The following AADACL4 variants were observed in gnomAD, a reference collection of about 807,000 sequenced individuals.
AADACL4 encodes the protein arylacetamide deacetylase like 4.
A neutral mutation model predicts 14.1 loss-of-function variants in AADACL4; 9 were observed. The observed-to-expected ratio is 0.64, with a 90% CI of 0.39 to 1.12. AADACL4 has a LOEUF of 1.12. Ranked by LOEUF, AADACL4 falls within the 50% of genes most tolerant of loss-of-function variation. The pLI, the probability that AADACL4 is intolerant of heterozygous loss-of-function variation, is 0.01. For synonymous variants in AADACL4, 188 were observed against 201.6 expected (o/e 0.93, Z 0.57); for missense variants, 531 against 516.1 (o/e 1.03, Z -0.28).
chr1:12,666,062 C>T lies in AADACL4; in HGVS notation c.551C>T (p.Pro184Leu), dbSNP rs760924344. 7 of 1,614,114 alleles carry T rather than the reference C, an allele frequency of 4.3e-6. No homozygotes were observed. The East Asian group carries it at 1.1e-4, about 26-fold the overall frequency. ...LKALETYGVDPSRVVVCGESV... is the reference protein window; with the variant it reads ...LKALETYGVDLSRVVVCGESV... ...GCCCTGGAAACCTATGGGGTGGACCCCTCCAGGGTTGTGGTCTGTGGAGAA... is the reference window on the plus strand; with the variant it reads ...GCCCTGGAAACCTATGGGGTGGACCTCTCCAGGGTTGTGGTCTGTGGAGAA... Residue 184 changes from proline (P) to leucine (L), a missense_variant, in exon 4 of 4, where the codon CCC (proline) becomes CTC (leucine). Pro to Leu is a moderately conservative substitution (Grantham distance 98). Coordinates refer to ENST00000376221, the MANE Select transcript of AADACL4 (RefSeq NM_001013630.2).
At chr1:12,648,245 C>T (rs952750428) in intron 1 of AADACL4, among the ~76,000 whole-genome samples, 1 of 152,200 alleles carries the variant, frequency 6.6e-6, no homozygotes, top group Non-Finnish European at 1.5e-5. Flanking sequence ...GCTGGGATTG[C>T]AGGCATGAGC....
rs1288287344 is a variant in AADACL4, at chr1:12,666,153, G to C, written c.642G>C (p.Arg214=). The C allele has an allele frequency of 2.5e-6, 4 of 1,614,134 alleles. No homozygotes were observed. Among genetic ancestry groups the C allele is most frequent in the Non-Finnish European group, 3.4e-6 (4 of 1,180,056 alleles). The change falls in exon 4 of 4, where the codon CGG becomes CGC. Residue 214 remains arginine (R), a synonymous_variant. Coordinates refer to ENST00000376221, the MANE Select transcript of AADACL4 (RefSeq NM_001013630.2). ...QALVGRSDLP[R]IRAQVLIYPV... is the part of the protein sequence containing the mutation. ...TGGTGGGCAGATCAGATCTTCCCCG[G>C]ATCCGGGCTCAGGTTCTGATTTATC...
chr1:12,656,925 G>C (rs559199985), intron 2 of AADACL4, among the ~76,000 whole-genome samples: 2 of 152,008 alleles, frequency 1.3e-5, no homozygotes, highest in African/African-American at 2.4e-5. Flanking sequence ...TGGACTGCTC[G>C]AGCTCAGGAG....
In AADACL4 at chr1:12,666,134, G is replaced by A. The variant is rs1403054589; in HGVS notation, c.623G>A (p.Gly208Asp). 2.5e-6 allele frequency: 4 copies of A among 1,614,124 alleles called. No homozygotes were observed. Among genetic ancestry groups the A allele is most frequent in the Non-Finnish European group, 3.4e-6 (4 of 1,180,052 alleles). ...AVAAITQALVGRSDLPRIRAQ... is the reference protein window; with the variant it reads ...AVAAITQALVDRSDLPRIRAQ... ...GCCGCCATCACCCAGGCCTTGGTGG[G>A]CAGATCAGATCTTCCCCGGATCCGG... Residue 208 changes from glycine (G) to aspartate (D), a missense_variant, in exon 4 of 4, where the codon GGC becomes GAC. Transcript: ENST00000376221.
Position 12,666,576 on chromosome 1 carries a change from C to G in AADACL4, c.1065C>G (p.Leu355=), listed in dbSNP as rs1647338478. The change falls in exon 4 of 4, where the codon CTC becomes CTG. Residue 355 remains leucine (L), a synonymous_variant. Coordinates refer to ENST00000376221, the MANE Select transcript of AADACL4 (RefSeq NM_001013630.2). ...ACATACTCCGTGATGACAGCTTGCT[C>G]TATAAGAAGCGCTTGGAGGACCAGG... The part of the protein sequence containing the change: ...ENDILRDDSL[L]YKKRLEDQGV... 1.2e-6 allele frequency: 2 copies of G among 1,614,122 alleles called. No individual in the cohort carries two copies. Among genetic ancestry groups the G allele is most frequent in the Non-Finnish European group, 1.7e-6 (2 of 1,180,058 alleles).
At chr1:12,644,845 C>T (rs1457426821) in intron 1 of AADACL4, 131 bp downstream of exon 1, 1 of 1,006,522 alleles carries the variant, frequency 9.9e-7, no homozygotes, top group East Asian at 2.4e-5. Context: ...AGACTTGTCT[C>T]TTCTGTATCT....
Position 12,660,224 on chromosome 1 carries a change from A to T in AADACL4, c.386-1567A>T, listed in dbSNP as rs577500348. Among the ~76,000 whole-genome samples, 5 of 152,366 alleles carry T rather than the reference A, an allele frequency of 3.3e-5. No homozygotes were observed. The South Asian group carries it at 1.0e-3, about 32-fold the overall frequency. ...TGGCTTCCCAAAGTGCTGGGATTAC[A>T]GGTGTGAGCCACTGCACCCAGCCAA... On this transcript the variant is annotated intron_variant, in intron 2 of 3. Coordinates refer to ENST00000376221, the MANE Select transcript of AADACL4 (RefSeq NM_001013630.2).
chr1:12,661,954 G>C (rs1647235541), intron 3 of AADACL4, 100 bp downstream of exon 3: 2 of 1,321,664 alleles, frequency 1.5e-6, no homozygotes, highest in Non-Finnish European at 1.1e-6. Context: ...ACTCCCAAGA[G>C]GCAACTCTTG....
intron 2 of AADACL4, among the ~76,000 whole-genome samples, chr1:12,656,520 G>GTCCC (rs1647179848): frequency 1.3e-5 from 2 of 152,328 alleles, no homozygotes; most frequent in East Asian, 1.9e-4. Context: ...TAGGGACCTT[G>GTCCC]AAGGGAGCAC....
intron 1 of AADACL4, among the ~76,000 whole-genome samples, chr1:12,646,361 G>A (rs1228962881): frequency 2.6e-5 from 4 of 152,210 alleles, no homozygotes; most frequent in Non-Finnish European, 5.9e-5. Context: ...TAGTGAATTC[G>A]TAAAATACAT....
chr1:12,666,428 C>T lies in AADACL4; in HGVS notation c.917C>T (p.Pro306Leu), dbSNP rs1465754155. The T allele has an allele frequency of 6.2e-7, 1 of 1,614,080 alleles. No individual in the cohort carries two copies. The highest frequency in any genetic ancestry group is 1.7e-5 in the Admixed American group (1 of 60,010). ...GGCTACCAACCCTGGTCTCCCGGCCCTTTTAATGAAGCTGCCTATCTAGAA... is the reference window on the plus strand; with the variant it reads ...GGCTACCAACCCTGGTCTCCCGGCCTTTTTAATGAAGCTGCCTATCTAGAA... ...NRGYQPWSPG[P>L]FNEAAYLEAK... The change falls in exon 4 of 4, where the codon CCT (proline) becomes CTT (leucine). Residue 306 changes from proline to leucine, a missense_variant. Transcript: ENST00000376221.
At chr1:12,650,978 C>CT (rs1216579703) in intron 1 of AADACL4, 145 bp from the exon 2 acceptor site, 2 of 746,842 alleles carry the variant, frequency 2.7e-6, no homozygotes, top group Admixed American at 5.2e-5. Flanking sequence ...AGTCCAGAGC[C>CT]TATGGATTCC....
chr1:12,648,001 T>G (rs1647122130), intron 1 of AADACL4, among the ~76,000 whole-genome samples: 1 of 152,158 alleles, frequency 6.6e-6, no homozygotes, highest in Non-Finnish European at 1.5e-5. Flanking sequence ...AGTCTTGCTC[T>G]GTCACCCAGG....
intron 2 of AADACL4, among the ~76,000 whole-genome samples, chr1:12,655,195 A>C (rs1240785759): frequency 5.9e-5 from 9 of 152,174 alleles, no homozygotes; most frequent in Admixed American, 5.9e-4. Context: ...TCAGGGGTAA[A>C]GTAAAGCACT....
intron 2 of AADACL4, among the ~76,000 whole-genome samples, chr1:12,651,944 T>C (rs1222602460): frequency 6.6e-6 from 1 of 151,096 alleles, no homozygotes; most frequent in Non-Finnish European, 1.5e-5. Context: ...TTCTCCTGCC[T>C]CAGCCTCCCA....
chr1:12,650,968 A>C (rs555964569), intron 1 of AADACL4, among the ~76,000 whole-genome samples, 155 bp from the exon 2 acceptor site: 2 of 152,338 alleles, frequency 1.3e-5, no homozygotes, highest in Admixed American at 1.3e-4. Flanking sequence ...ACCTGGACAC[A>C]GTCCAGAGCC....
At chr1:12,660,685 C>A (rs1390576199) in intron 2 of AADACL4, among the ~76,000 whole-genome samples, 1 of 152,094 alleles carries the variant, frequency 6.6e-6, no homozygotes, top group African/African-American at 2.4e-5. Context: ...GCTCTGTCAC[C>A]CAGGCTGGAG....
At chr1:12,651,068 C>G in intron 1 of AADACL4, 55 bp from the exon 2 acceptor site, 1 of 1,503,950 alleles carries the variant, frequency 6.6e-7, no homozygotes, top group Admixed American at 1.7e-5. Flanking sequence ...AGGGAATCTA[C>G]CATCCAGATT....
chr1:12,660,510 G>T (rs1253780461), intron 2 of AADACL4, among the ~76,000 whole-genome samples: 1 of 152,100 alleles, frequency 6.6e-6, no homozygotes, highest in Non-Finnish European at 1.5e-5. Context: ...GGTTACATCG[G>T]GAAGATGACA....
Sources: allele counts gnomAD v4.1 joint callset (sites outside exome capture counted in the v4.1 genomes callset), GRCh38; gene constraint gnomAD v4.1.1; transcripts MANE v1.5; gene names NCBI Gene and HGNC (gene_info 2026-07-23, HGNC 2026-07-21).